Variants in SEC24C observed in about 807,000 individuals in gnomAD.
SEC24C encodes the protein protein transport protein Sec24C.
Under a neutral mutation model 117.0 loss-of-function variants are expected in SEC24C, and 22 were observed. The observed-to-expected ratio is 0.19, with a 90% CI of 0.13 to 0.27. The LOEUF (loss-of-function observed/expected upper bound fraction) is 0.27, where lower values mean the gene tolerates loss of function less well. Ranked by LOEUF, SEC24C falls within the 10% of genes least tolerant of loss-of-function variation. The pLI, the probability that SEC24C is intolerant of heterozygous loss-of-function variation, is 1.00. For synonymous variants in SEC24C, 506 were observed against 529.4 expected (o/e 0.96, Z 0.61); for missense variants, 1,155 against 1,375.1 (o/e 0.84, Z 2.53).
intron 1 of SEC24C, among the ~76,000 whole-genome samples, chr10:73,745,332 A>G (rs374035499): frequency 3.3e-5 from 5 of 152,082 alleles, no homozygotes; most frequent in East Asian, 1.9e-4. Context: ...AACAATCGTA[A>G]GGGGAGCAGA....
At position 73,759,776 on chromosome 10, in the gene SEC24C, T is replaced by C. The variant is rs373914918; in HGVS notation, c.463T>C (p.Ser155Pro). 6.5e-5 allele frequency: 104 copies of C among 1,590,448 alleles called. No homozygotes were observed. Among genetic ancestry groups the C allele is most frequent in the Non-Finnish European group, 8.4e-5 (98 of 1,171,328 alleles). Residue 155 changes from serine (S) to proline (P), a missense_variant, in exon 4 of 23, where the codon TCT (serine) becomes CCT (proline). Around this residue, in one of 2 missense-constraint regions of SEC24C, gnomAD observed 396 missense variants for 382.8 expected, o/e 1.03. Coordinates refer to ENST00000345254, the MANE Select transcript of SEC24C (RefSeq NM_198597.3). ...ISGAVAPAPP[S>P]SGLGFGPPTS... ...CGGTGCTGTGGCCCCAGCCCCTCCT[T>C]CTTCAGGGCTGGGCTTTGGTGAGTG... is the stretch of plus-strand genomic sequence containing the variant.
At chr10:73,760,420 G>C (rs2082780686) in intron 5 of SEC24C, 34 bp downstream of exon 5, 6 of 1,532,438 alleles carry the variant, frequency 3.9e-6, no homozygotes, top group Non-Finnish European at 5.2e-6. Flanking sequence ...TTAGAAGCTA[G>C]AGGCTTCAGC....
intron 6 of SEC24C, 133 bp from the exon 7 acceptor site, chr10:73,763,357 G>A: frequency 1.8e-6 from 1 of 561,458 alleles, no homozygotes; most frequent in African/African-American, 1.9e-5. Context: ...AGGAGAACAG[G>A]CCTGGTGTAT....
At chr10:73,750,208 C>G (rs1041923602) in intron 2 of SEC24C, among the ~76,000 whole-genome samples, 6 of 152,188 alleles carry the variant, frequency 3.9e-5, no homozygotes, top group African/African-American at 1.2e-4. Flanking sequence ...GAAAACATAT[C>G]TGATTCTGTC....
chr10:73,760,522 C>G, intron 5 of SEC24C, 136 bp downstream of exon 5: 1 of 1,216,738 alleles, frequency 8.2e-7, no homozygotes, highest in Non-Finnish European at 1.1e-6. Flanking sequence ...GGTATTATTC[C>G]TAGGATATGG....
chr10:73,768,684 T>C (rs746135779), intron 15 of SEC24C, 126 bp from the exon 16 acceptor site: 11 of 824,464 alleles, frequency 1.3e-5, no homozygotes, highest in Admixed American at 4.1e-5. Context: ...TCATCATCAT[T>C]ATCATCCTCA....
At chr10:73,752,138 T>C (rs2082650139) in intron 3 of SEC24C, 1 of 152,140 alleles carries the variant, frequency 6.6e-6, no homozygotes, top group African/African-American at 2.4e-5. Context: ...ATTTTTTTTT[T>C]TGAGACAGGG....
intron 2 of SEC24C, among the ~76,000 whole-genome samples, chr10:73,750,763 T>A (rs2082631459): frequency 6.6e-6 from 1 of 152,230 alleles, no homozygotes; most frequent in Non-Finnish European, 1.5e-5. Context: ...TGGAGTAAGA[T>A]CTTTTCCTTA....
chr10:73,760,507 T>G, intron 5 of SEC24C, 121 bp downstream of exon 5: 1 of 1,279,286 alleles, frequency 7.8e-7, no homozygotes. Context: ...GATGGGTAGC[T>G]TCAGGGTATT....
At chr10:73,756,336 G>A (rs1565038929) in intron 3 of SEC24C, among the ~76,000 whole-genome samples, 1 of 152,124 alleles carries the variant, frequency 6.6e-6, no homozygotes, top group East Asian at 1.9e-4. Flanking sequence ...GTCTGGACCT[G>A]GGCTGCACCT....
chr10:73,763,622 T>G, intron 7 of SEC24C, 21 bp downstream of exon 7: 2 of 1,180,232 alleles, frequency 1.7e-6, no homozygotes, highest in Non-Finnish European at 2.3e-6. Flanking sequence ...AATTAGCTCC[T>G]CCCACAGGGG....
chr10:73,763,558 G>A lies in SEC24C; in HGVS notation c.1056G>A (p.Gln352=), dbSNP rs1334157972. The change falls in exon 7 of 23, where the codon CAG becomes CAA. Residue 352 remains glutamine (Q), a synonymous_variant. Coordinates refer to ENST00000345254, the MANE Select transcript of SEC24C (RefSeq NM_198597.3). The part of the protein sequence containing the change: ...TEPFVTGVRG[Q]VPPLVTTNFL... ...CATTTGTTACTGGAGTACGGGGCCA[G>A]GTGCCACCCTTAGTCACTACCAACT... 6 of 1,611,912 alleles carry A rather than the reference G, an allele frequency of 3.7e-6. No individual in the cohort carries two copies. The African/African-American group carries it at 8.0e-5, about 22-fold the overall frequency.
In SEC24C at chr10:73,769,994, C is replaced by T. The variant is rs147680102; in HGVS notation, c.2841C>T (p.Phe947=). 48 of 1,614,152 alleles carry T rather than the reference C, an allele frequency of 3.0e-5. No homozygotes were observed. In the African/African-American group the frequency reaches 5.7e-4, roughly 19 times the overall value. The change falls in exon 20 of 23, where the codon TTC becomes TTT. Residue 947 remains phenylalanine, a synonymous_variant. Coordinates refer to ENST00000345254, the MANE Select transcript of SEC24C (RefSeq NM_198597.3). This position sits in a 1 kb window ranked among gnomAD's most constrained non-coding sequence, Gnocchi z 4.5. ...ATGTGACTGAGACCAATGTCTTCTT[C>T]TACCCTCGGCTCTTACCTTTGGTGC... The part of the protein sequence containing the change: ...SMDVTETNVF[F]YPRLLPLTKS...
chr10:73,747,358 T>C (rs2082571663), intron 2 of SEC24C, among the ~76,000 whole-genome samples: 1 of 151,546 alleles, frequency 6.6e-6, no homozygotes. Context: ...AATTTTTGTA[T>C]TTTTTTAATT....
intron 14 of SEC24C, 56 bp from the exon 15 acceptor site, chr10:73,767,781 T>C (rs886243683): frequency 6.6e-5 from 92 of 1,385,820 alleles, no homozygotes; most frequent in South Asian, 2.4e-4. Flanking sequence ...AGTTTTCAAA[T>C]AGGGCGGAGC....
chr10:73,751,484 G>A (rs2082641780), intron 3 of SEC24C, among the ~76,000 whole-genome samples: 1 of 152,218 alleles, frequency 6.6e-6, no homozygotes, highest in Non-Finnish European at 1.5e-5. Flanking sequence ...ATGAGGCAGA[G>A]GTTGCCGTGA....
intron 3 of SEC24C, 81 bp downstream of exon 3, chr10:73,751,324 G>A (rs1156329547): frequency 2.9e-6 from 4 of 1,396,060 alleles, no homozygotes; most frequent in South Asian, 1.4e-5. Flanking sequence ...ACTTTGGGAG[G>A]CTGAGGTGGG....
At chr10:73,762,870 A>G (rs1318522132) in intron 6 of SEC24C, among the ~76,000 whole-genome samples, 1 of 152,116 alleles carries the variant, frequency 6.6e-6, no homozygotes, top group African/African-American at 2.4e-5. Flanking sequence ...CTGAGGATTG[A>G]GCTATAAGGA....
In SEC24C at chr10:73,763,523, G is replaced by A. The variant is rs376499962; in HGVS notation, c.1021G>A (p.Gly341Ser). 2.5e-6 allele frequency: 4 copies of A among 1,613,438 alleles called. No homozygotes were observed. Among genetic ancestry groups the A allele is most frequent in the Non-Finnish European group, 3.4e-6 (4 of 1,179,622 alleles). ...CATTGAAGATGACAGGAACAACCGG[G>A]GTACAGAGCCATTTGTTACTGGAGT... ...QVIEDDRNNRGTEPFVTGVRG... is the reference protein window; with the variant it reads ...QVIEDDRNNRSTEPFVTGVRG... Residue 341 changes from glycine to serine, a missense_variant, in exon 7 of 23, where the codon GGT becomes AGT. By Grantham distance (56) the Gly-to-Ser change is moderately conservative. Coordinates refer to ENST00000345254, the MANE Select transcript of SEC24C (RefSeq NM_198597.3).
Sources: gnomAD v4.1 joint callset for allele counts (sites outside exome capture counted in the v4.1 genomes callset) on GRCh38, gnomAD v4.1.1 for gene constraint, gnomAD v4.1.1 regional missense constraint, Gnocchi (gnomAD v3.1) non-coding constraint, MANE v1.5 for transcripts, NCBI Gene and HGNC (gene_info 2026-07-23, HGNC 2026-07-21) for gene names.